DAB1: variants seen among roughly 807,000 people sequenced by gnomAD.
DAB1 encodes the protein disabled homolog 1.
DAB1 carries 15 observed loss-of-function variants against 64.6 expected under a neutral mutation model. The observed-to-expected ratio is 0.23, with a 90% CI of 0.16 to 0.36. The LOEUF (loss-of-function observed/expected upper bound fraction) is 0.36, where lower values mean the gene tolerates loss of function less well. Among genes scored for constraint, DAB1 ranks in the 10% least tolerant of loss-of-function variants. DAB1 has a pLI of 1.00. For missense variants in DAB1, 596 were observed against 706.7 expected (o/e 0.84, Z 1.78); for synonymous variants, 235 against 251.9 (o/e 0.93, Z 0.64).
At chr1:57,845,277 GT>G in intron 1 of DAB1, among the ~76,000 whole-genome samples, 1 of 152,314 alleles carries the variant, frequency 6.6e-6, no homozygotes, top group Admixed American at 6.5e-5. Context: ...ACTGTGAAGT[GT>G]TTAATTTTGT....
At chr1:58,394,413 A>C (rs907148661) in intron 3 of DAB1, among the ~76,000 whole-genome samples, 4 of 152,240 alleles carry the variant, frequency 2.6e-5, no homozygotes, top group African/African-American at 7.2e-5. Context: ...AAACCTGTAC[A>C]TGAGTGCTCA....
In DAB1 at chr1:57,962,977, T is replaced by C. The variant is rs146097141; in HGVS notation, n.388-78815A>G. Among the ~76,000 whole-genome samples, 564 of 152,316 alleles carry C rather than the reference T, an allele frequency of 3.7e-3. 4 individuals are homozygous for C. Among genetic ancestry groups the C allele is most frequent in the African/African-American group, 0.013 (545 of 41,574 alleles). ...TATGCTATATTTTCTTACATGCCTT[T>C]ATAATATAACATGCTTCATTCCCCC... On this transcript the variant is annotated intron_variant and non_coding_transcript_variant, in intron 5 of 20. Coordinates refer to the DAB1 transcript ENST00000485760.
chr1:57,646,049 G>GA (rs5774364), intron 7 of DAB1, among the ~76,000 whole-genome samples: 2 of 151,868 alleles, frequency 1.3e-5, no homozygotes, highest in Non-Finnish European at 2.9e-5. Flanking sequence ...GGGGAGAAAA[G>GA]AAAAAATAGC....
intron 6 of DAB1, among the ~76,000 whole-genome samples, chr1:57,789,120 C>T (rs1298064751): frequency 1.3e-5 from 2 of 152,058 alleles, no homozygotes; most frequent in Non-Finnish European, 2.9e-5. Context: ...TCTTTCACCT[C>T]CCTGAACCAC....
At position 58,507,015 on chromosome 1, in the gene DAB1, T is replaced by C. The variant is rs558695494; in HGVS notation, n.108-806A>G. On this transcript the variant is annotated intron_variant and non_coding_transcript_variant, in intron 2 of 20. Coordinates refer to the DAB1 transcript ENST00000485760. ...TGCACAGAACATATCTGAGAAGCTATTTAAGAAGCTGTTAACTACCCTAAG... is the reference window on the plus strand; with the variant it reads ...TGCACAGAACATATCTGAGAAGCTACTTAAGAAGCTGTTAACTACCCTAAG... 1.8e-4 allele frequency among the ~76,000 whole-genome samples: 27 copies of C among 152,118 alleles called. 2 individuals carry two copies. The South Asian group carries it at 5.6e-3, about 31-fold the overall frequency.
intron 7 of DAB1, among the ~76,000 whole-genome samples, chr1:57,458,742 G>A (rs1197385409): frequency 3.3e-5 from 5 of 151,946 alleles, no homozygotes; most frequent in South Asian, 2.1e-4. Flanking sequence ...TGCATTATTC[G>A]TGTTTCCAAA....
chr1:58,094,660 C>T (rs1466244488), intron 5 of DAB1, among the ~76,000 whole-genome samples: 1 of 152,218 alleles, frequency 6.6e-6, no homozygotes, highest in African/African-American at 2.4e-5. Context: ...GCCTCTGGCT[C>T]AAAGTAAATG....
intron 5 of DAB1, among the ~76,000 whole-genome samples, chr1:57,934,122 T>A (rs1165544984): frequency 7.4e-6 from 1 of 134,358 alleles, no homozygotes; most frequent in African/African-American, 2.8e-5. Flanking sequence ...AGACGAGGTT[T>A]CACCATGTTG....
chr1:57,482,589 T>A (rs186211310), intron 7 of DAB1, among the ~76,000 whole-genome samples: 1 of 151,758 alleles, frequency 6.6e-6, no homozygotes, highest in Non-Finnish European at 1.5e-5. Flanking sequence ...AGGACATGTC[T>A]CACTCAGCAT....
intron 2 of DAB1, among the ~76,000 whole-genome samples, chr1:57,252,357 G>A (rs548897): frequency 0.32 from 49,360 of 152,060 alleles, 9,988 homozygotes; most frequent in Middle Eastern, 0.45. Flanking sequence ...GTCTAGATGA[G>A]GTCAGGGCCC....
intron 5 of DAB1, among the ~76,000 whole-genome samples, chr1:58,007,698 A>C (rs150744134): frequency 2.6e-5 from 4 of 152,328 alleles, no homozygotes; most frequent in African/African-American, 9.6e-5. Flanking sequence ...AGACAGCTGA[A>C]GGAGGACTAA....
intron 3 of DAB1, among the ~76,000 whole-genome samples, chr1:58,459,565 A>G (rs760615736): frequency 4.5e-4 from 68 of 152,274 alleles, no homozygotes; most frequent in Non-Finnish European, 7.3e-5. Flanking sequence ...CAAAGGAGAA[A>G]GAAAGAAAAA....
chr1:58,236,178 A>G (rs1027943539), intron 4 of DAB1, among the ~76,000 whole-genome samples: 5 of 150,024 alleles, frequency 3.3e-5, no homozygotes, highest in Middle Eastern at 3.5e-3. Context: ...GCCAAGGCCA[A>G]GGAGGGAGGG....
chr1:58,188,954 A>C (rs1657237163), intron 4 of DAB1, among the ~76,000 whole-genome samples: 1 of 152,226 alleles, frequency 6.6e-6, no homozygotes, highest in African/African-American at 2.4e-5. Flanking sequence ...CACAGCCACT[A>C]ATCAGGGTTT....
intron 5 of DAB1, chr1:58,048,111 T>C: frequency 1.1e-6 from 1 of 903,000 alleles, no homozygotes; most frequent in East Asian, 2.5e-5. Flanking sequence ...CACAAATCTG[T>C]TGTAACCTAT....
chr1:57,416,653 A>T (rs974541571), intron 1 of DAB1, among the ~76,000 whole-genome samples: 9 of 152,172 alleles, frequency 5.9e-5, no homozygotes, highest in African/African-American at 2.2e-4. Context: ...ATAAAAAATG[A>T]TTTTCAAGTT....
At chr1:58,014,860 A>C (rs1646716600) in intron 5 of DAB1, among the ~76,000 whole-genome samples, 4 of 152,210 alleles carry the variant, frequency 2.6e-5, no homozygotes. Context: ...GGTCCCCAAG[A>C]TAGGAGGAAA....
In DAB1 at chr1:57,898,709, C is replaced by A. The variant is rs78433498; in HGVS notation, n.388-14547G>T. 1.9e-3 allele frequency among the ~76,000 whole-genome samples: 291 copies of A among 152,238 alleles called. 2 individuals are homozygous for A. Among genetic ancestry groups the A allele is most frequent in the African/African-American group, 6.7e-3 (278 of 41,548 alleles). On this transcript the variant is annotated intron_variant and non_coding_transcript_variant, in intron 5 of 20. Coordinates refer to the DAB1 transcript ENST00000485760. The stretch of plus-strand genomic sequence containing the variant: ...TTGAGTTACTTGGTGTCTCTGCCCC[C>A]ACTTGGTTTAAAAAAGGATAATCAG...
At chr1:57,961,634 T>C (rs1378418362) in intron 5 of DAB1, among the ~76,000 whole-genome samples, 6 of 152,194 alleles carry the variant, frequency 3.9e-5, no homozygotes, top group African/African-American at 1.4e-4. Context: ...AAATTCTTTT[T>C]TCTAAAAAGT....
Sources: gnomAD v4.1 joint callset for allele counts (sites outside exome capture counted in the v4.1 genomes callset) on GRCh38, gnomAD v4.1.1 for gene constraint, MANE v1.5 for transcripts, NCBI Gene and HGNC (gene_info 2026-07-23, HGNC 2026-07-21) for gene names.